Variants in SORCS3 observed in about 807,000 individuals in gnomAD.
SORCS3 encodes sortilin related VPS10 domain containing receptor 3, also known as VPS10 domain-containing receptor SorCS3.
A neutral mutation model predicts 146.3 loss-of-function variants in SORCS3; 57 were observed. The observed-to-expected ratio is 0.39, with a 90% CI of 0.31 to 0.49. The LOEUF is 0.49. Among genes scored for constraint, SORCS3 ranks in the 20% least tolerant of loss-of-function variants. SORCS3 has a pLI of 0.92. For missense variants in SORCS3, 1,341 were observed against 1,575.5 expected (o/e 0.85, Z 2.52); for synonymous variants, 653 against 618.5 (o/e 1.06, Z -0.83).
chr10:104,778,642 CAAT>C (rs1044354744), intron 1 of SORCS3, among the ~76,000 whole-genome samples: 2 of 152,212 alleles, frequency 1.3e-5, no homozygotes, highest in African/African-American at 4.8e-5. Flanking sequence ...GTTAAGTTAA[CAAT>C]AATAATGAGA....
intron 1 of SORCS3, among the ~76,000 whole-genome samples, chr10:104,741,233 A>G (rs1361605863): frequency 4.7e-5 from 7 of 148,090 alleles, no homozygotes; most frequent in Admixed American, 4.2e-4. Context: ...AGCTTCCCAG[A>G]GTACTGGGAT....
chr10:105,027,843 T>C (rs1219963537), intron 4 of SORCS3, among the ~76,000 whole-genome samples: 5 of 152,204 alleles, frequency 3.3e-5, no homozygotes, highest in Admixed American at 6.5e-5. Context: ...GTGATGTCCC[T>C]TGTGGAGAAA....
chr10:104,856,811 T>C (rs1479687449), intron 2 of SORCS3, among the ~76,000 whole-genome samples: 1 of 144,664 alleles, frequency 6.9e-6, no homozygotes, highest in East Asian at 2.0e-4. Context: ...ATATATTAAT[T>C]ATATAAATAT....
chr10:104,850,802 G>C (rs2018266681), intron 2 of SORCS3, among the ~76,000 whole-genome samples: 1 of 152,244 alleles, frequency 6.6e-6, no homozygotes, highest in Admixed American at 6.5e-5. Context: ...ATACTGGGAA[G>C]TCAAACAGGA....
At chr10:104,689,880 C>G (rs555244191) in intron 1 of SORCS3, among the ~76,000 whole-genome samples, 2 of 152,180 alleles carry the variant, frequency 1.3e-5, no homozygotes, top group African/African-American at 4.8e-5. Context: ...CTCTGTAAAC[C>G]GTACCATCCC....
chr10:104,886,555 CATCTATCTATCTATCTATCTATCT>C (rs55977539), intron 2 of SORCS3, among the ~76,000 whole-genome samples: 1 of 126,988 alleles, frequency 7.9e-6, no homozygotes, highest in Non-Finnish European at 1.6e-5. Context: ...ATAACTCTAT[CATCTATCTATCTATCTATCTATCT>C]ATCTATCTAT....
At chr10:105,023,448 G>T (rs74155094) in intron 4 of SORCS3, among the ~76,000 whole-genome samples, 3 of 152,202 alleles carry the variant, frequency 2.0e-5, no homozygotes, top group Middle Eastern at 6.8e-3. Flanking sequence ...GGAGAACTGT[G>T]GGGGGAGCCT....
intron 4 of SORCS3, among the ~76,000 whole-genome samples, chr10:105,020,654 C>T (rs1046340032): frequency 6.6e-6 from 1 of 152,172 alleles, no homozygotes; most frequent in Non-Finnish European, 1.5e-5. Flanking sequence ...CTCCAAAAAA[C>T]TTATCACGGA....
At chr10:105,165,089 C>T (rs574917991) in intron 12 of SORCS3, among the ~76,000 whole-genome samples, 14 of 152,164 alleles carry the variant, frequency 9.2e-5, no homozygotes, top group South Asian at 6.2e-4. Context: ...AATTTAAATA[C>T]TCTCTTATGG....
At chr10:105,258,204 C>T (rs1213831720) in intron 25 of SORCS3, among the ~76,000 whole-genome samples, 1 of 152,184 alleles carries the variant, frequency 6.6e-6, no homozygotes, top group African/African-American at 2.4e-5. Flanking sequence ...GAGTGAGATT[C>T]ACCTTCCTAC....
intron 3 of SORCS3, among the ~76,000 whole-genome samples, chr10:104,933,325 T>G (rs1423419481): frequency 6.0e-5 from 9 of 151,082 alleles, no homozygotes; most frequent in Admixed American, 5.9e-4. Flanking sequence ...TTTTTTATAA[T>G]GGATGACAAG....
intron 5 of SORCS3, among the ~76,000 whole-genome samples, chr10:105,085,547 T>C (rs2133737272): frequency 6.6e-6 from 1 of 152,326 alleles, no homozygotes; most frequent in East Asian, 1.9e-4. Context: ...AATTAGGGTC[T>C]CTGGCCTTAG....
chr10:104,890,184 G>A (rs7068586), intron 2 of SORCS3, among the ~76,000 whole-genome samples: 55,310 of 151,672 alleles, frequency 0.36, 13,194 homozygotes, highest in African/African-American at 0.68. Flanking sequence ...TGTGCTTCTC[G>A]GATATCGACT....
At chr10:104,872,894 G>A (rs2018533142) in intron 2 of SORCS3, among the ~76,000 whole-genome samples, 2 of 152,224 alleles carry the variant, frequency 1.3e-5, no homozygotes, top group South Asian at 2.1e-4. Flanking sequence ...TGTGCTGAAA[G>A]CATCATCATT....
chr10:104,818,114 A>C (rs1437601754), intron 1 of SORCS3, among the ~76,000 whole-genome samples: 1 of 152,180 alleles, frequency 6.6e-6, no homozygotes, highest in South Asian at 2.1e-4. Flanking sequence ...TTGGTTAGTC[A>C]GGACACTGCT....
chr10:104,835,984 C>T (rs1055327062), intron 1 of SORCS3, among the ~76,000 whole-genome samples: 6 of 152,238 alleles, frequency 3.9e-5, no homozygotes, highest in South Asian at 2.1e-4. Context: ...CTGAGTTGTT[C>T]GGGCACATGC....
chr10:105,048,420 A>C (rs1459023771), intron 5 of SORCS3, among the ~76,000 whole-genome samples: 1 of 151,476 alleles, frequency 6.6e-6, no homozygotes, highest in Non-Finnish European at 1.5e-5. Context: ...CATTCTCAGC[A>C]AACTATCGCA....
rs545351708 is a variant in SORCS3, at chr10:104,719,409, G to T, written c.627+77455G>T. Among the ~76,000 whole-genome samples, 27 of 152,332 alleles carry T rather than the reference G, an allele frequency of 1.8e-4. No homozygotes were observed. The South Asian group carries it at 5.6e-3, about 32-fold the overall frequency. On this transcript the variant is annotated intron_variant, in intron 1 of 26. Coordinates refer to ENST00000369701, the MANE Select transcript of SORCS3 (RefSeq NM_014978.3). ...ATGTGATTGAATATAAGTAATTCGA[G>T]AATGGAGCTATGTCTTTTTACTTCC...
intron 1 of SORCS3, among the ~76,000 whole-genome samples, chr10:104,802,650 G>C (rs913678387): frequency 2.0e-5 from 3 of 152,200 alleles, no homozygotes; most frequent in Non-Finnish European, 4.4e-5. Flanking sequence ...AGCATCTACA[G>C]AATCTGGTTC....
Sources: gnomAD v4.1 joint callset for allele counts (sites outside exome capture counted in the v4.1 genomes callset) on GRCh38, gnomAD v4.1.1 for gene constraint, MANE v1.5 for transcripts, NCBI Gene and HGNC (gene_info 2026-07-23, HGNC 2026-07-21) for gene names.